Variants in KCNH5 observed in about 807,000 individuals in gnomAD.
KCNH5 encodes potassium voltage-gated channel subfamily H member 5, also known as voltage-gated delayed rectifier potassium channel KCNH5.
A neutral mutation model predicts 96.1 loss-of-function variants in KCNH5; 46 were observed. The ratio of observed to expected loss-of-function variants is 0.48; its 90% CI spans 0.38 to 0.61. KCNH5 has a LOEUF of 0.61. KCNH5 is among the 20% of genes least tolerant of loss of function. The pLI is 0.00. For missense variants in KCNH5, 907 were observed against 1,225.8 expected, an observed-to-expected ratio of 0.74 and a Z score of 3.88; for synonymous variants, 439 against 449.8, an observed-to-expected ratio of 0.98 and a Z score of 0.30.
chr14:62,729,699 A>G (rs368913972), intron 10 of KCNH5, among the ~76,000 whole-genome samples: 19 of 152,344 alleles, frequency 1.2e-4, no homozygotes, highest in African/African-American at 4.6e-4. Flanking sequence ...ACAATGCTAG[A>G]TGACATTTCC....
chr14:63,013,125 CAAAGAAGAAAAA>C (rs1891260178), intron 2 of KCNH5, among the ~76,000 whole-genome samples: 1 of 151,340 alleles, frequency 6.6e-6, no homozygotes, highest in African/African-American at 2.4e-5. Flanking sequence ...TTGAGAAGGA[CAAAGAAGAAAAA>C]AGATAAGAAA....
At chr14:62,994,445 T>A (rs1890869873) in intron 4 of KCNH5, among the ~76,000 whole-genome samples, 1 of 152,098 alleles carries the variant, frequency 6.6e-6, no homozygotes, top group Non-Finnish European at 1.5e-5. Context: ...ACTGACAGAA[T>A]GGATTTCTTG....
At chr14:62,964,647 CTT>C (rs2139547966) in intron 6 of KCNH5, among the ~76,000 whole-genome samples, 1 of 152,202 alleles carries the variant, frequency 6.6e-6, no homozygotes, top group South Asian at 2.1e-4. Context: ...ATCGTAAATT[CTT>C]TCTCTGCCTC....
chr14:62,975,245 T>C (rs1457763400), intron 6 of KCNH5, among the ~76,000 whole-genome samples: 1 of 152,074 alleles, frequency 6.6e-6, no homozygotes, highest in Non-Finnish European at 1.5e-5. Context: ...TACATATACA[T>C]AAGTGAACAT....
chr14:63,034,260 T>C (rs1339032109), intron 1 of KCNH5, among the ~76,000 whole-genome samples: 1 of 152,206 alleles, frequency 6.6e-6, no homozygotes, highest in Non-Finnish European at 1.5e-5. Context: ...ATGATACCTA[T>C]AGATCTATTT....
intron 7 of KCNH5, among the ~76,000 whole-genome samples, chr14:62,948,679 T>C (rs1889940100): frequency 6.6e-6 from 1 of 151,184 alleles, no homozygotes; most frequent in African/African-American, 2.5e-5. Context: ...ATCATTCTGA[T>C]ACCAAAGCCG....
intron 7 of KCNH5, among the ~76,000 whole-genome samples, chr14:62,934,068 T>C (rs2356097): frequency 0.72 from 108,643 of 151,796 alleles, 39,725 homozygotes; most frequent in East Asian, 0.99. Context: ...CATCAGAAGC[T>C]ACTGAAATCT....
At chr14:62,780,736 G>A (rs940341885) in intron 9 of KCNH5, among the ~76,000 whole-genome samples, 16 of 152,220 alleles carry the variant, frequency 1.1e-4, no homozygotes, top group African/African-American at 2.4e-4. Flanking sequence ...TAAAAAGAAC[G>A]AGAAAGAGTC....
intron 9 of KCNH5, among the ~76,000 whole-genome samples, chr14:62,794,122 C>G (rs1056635208): frequency 7.9e-5 from 12 of 151,870 alleles, no homozygotes; most frequent in African/African-American, 2.9e-4. Flanking sequence ...TGGAGAAGGA[C>G]AGTATTTATA....
intron 7 of KCNH5, among the ~76,000 whole-genome samples, chr14:62,864,878 T>C (rs1387687793): frequency 1.3e-5 from 2 of 152,182 alleles, no homozygotes; most frequent in Admixed American, 6.5e-5. Flanking sequence ...TGTTTTACAA[T>C]CCCTGCAGTA....
chr14:62,708,231 G>C lies in KCNH5; in HGVS notation c.2244C>G (p.Thr748=). 1 of 1,614,210 alleles carries C rather than the reference G, an allele frequency of 6.2e-7. No homozygotes were observed. Among genetic ancestry groups the C allele is most frequent in the Non-Finnish European group, 8.5e-7 (1 of 1,180,034 alleles). ...SRSLQNGASI[T]GTSVVTVSQI... is the part of the protein sequence containing the mutation. ...GTGACACAGTCACCACGCTGGTTCC[G>C]GTGATGGAGGCTCCATTCTGTAAGG... The change falls in exon 11 of 11, where the codon ACC becomes ACG. Residue 748 remains threonine, a synonymous_variant. Coordinates refer to ENST00000322893, the MANE Select transcript of KCNH5 (RefSeq NM_139318.5).
intron 7 of KCNH5, among the ~76,000 whole-genome samples, chr14:62,867,881 A>C (rs1888165256): frequency 6.6e-6 from 1 of 152,140 alleles, no homozygotes. Context: ...AGGTCTCCTA[A>C]ATGTCACCGT....
At chr14:62,849,924 A>G (rs1406725298) in intron 7 of KCNH5, 72 bp from the exon 8 acceptor site, 5 of 1,237,870 alleles carry the variant, frequency 4.0e-6, no homozygotes, top group East Asian at 2.5e-5. Context: ...TGCTAAATCA[A>G]TGAATAATTT....
chr14:62,864,645 T>C (rs1279623598), intron 7 of KCNH5, among the ~76,000 whole-genome samples: 2 of 152,228 alleles, frequency 1.3e-5, no homozygotes, highest in Non-Finnish European at 2.9e-5. Context: ...CAGATGTTTA[T>C]CTAAAAAAGT....
At chr14:62,855,964 C>T (rs956401772) in intron 7 of KCNH5, among the ~76,000 whole-genome samples, 5 of 152,110 alleles carry the variant, frequency 3.3e-5, no homozygotes, top group African/African-American at 1.2e-4. Context: ...CCAGTAGTAT[C>T]CACTCCTCCC....
chr14:63,017,044 T>C, intron 1 of KCNH5, 90 bp from the exon 2 acceptor site: 3 of 1,228,046 alleles, frequency 2.4e-6, no homozygotes, highest in Non-Finnish European at 3.4e-6. Flanking sequence ...CTTATAAAGA[T>C]GGACACATAC....
chr14:62,986,082 CT>C (rs1327393980), intron 5 of KCNH5, among the ~76,000 whole-genome samples: 5 of 152,134 alleles, frequency 3.3e-5, no homozygotes, highest in African/African-American at 9.7e-5. Context: ...TACCACTATC[CT>C]GCTGACAACC....
At chr14:62,915,233 C>G (rs1280143883) in intron 7 of KCNH5, among the ~76,000 whole-genome samples, 1 of 152,148 alleles carries the variant, frequency 6.6e-6, no homozygotes, top group African/African-American at 2.4e-5. Context: ...GTCATAAACT[C>G]ACTATTTAAA....
intron 4 of KCNH5, among the ~76,000 whole-genome samples, chr14:63,000,005 A>T (rs1367070465): frequency 2.0e-5 from 3 of 152,188 alleles, no homozygotes; most frequent in East Asian, 3.8e-4. Flanking sequence ...TATGGGTCCA[A>T]ATTGAATACT....
Sources: allele counts gnomAD v4.1 joint callset (sites outside exome capture counted in the v4.1 genomes callset), GRCh38; gene constraint gnomAD v4.1.1; transcripts MANE v1.5; gene names NCBI Gene and HGNC (gene_info 2026-07-23, HGNC 2026-07-21).